The following CCDC91 variants were observed in gnomAD, a reference collection of about 807,000 sequenced individuals.
CCDC91 encodes the protein coiled-coil domain containing 91, also known as coiled-coil domain-containing protein 91.
A neutral mutation model predicts 63.2 loss-of-function variants in CCDC91; 48 were observed. The ratio of observed to expected loss-of-function variants is 0.76; its 90% CI spans 0.60 to 0.97. The LOEUF (loss-of-function observed/expected upper bound fraction) is 0.97, where lower values mean the gene tolerates loss of function less well. Among genes scored for constraint, CCDC91 ranks in the 50% least tolerant of loss-of-function variants. CCDC91 has a pLI of 0.00. For missense variants in CCDC91, 500 were observed against 494.6 expected (o/e 1.01, Z -0.10); for synonymous variants, 167 against 165.8 (o/e 1.01, Z -0.06).
chr12:28,435,028 T>A (rs1948831289), intron 8 of CCDC91, among the ~76,000 whole-genome samples: 1 of 151,740 alleles, frequency 6.6e-6, no homozygotes, highest in Non-Finnish European at 1.5e-5. Flanking sequence ...CTCTTTTCCT[T>A]GGTTAGCCTG....
intron 6 of CCDC91, among the ~76,000 whole-genome samples, chr12:28,331,020 AG>A (rs1941458048): frequency 6.6e-6 from 1 of 152,194 alleles, no homozygotes; most frequent in African/African-American, 2.4e-5. Flanking sequence ...CAGCAAAGAA[AG>A]GTTATGCTTC....
chr12:28,372,718 A>T (rs906528177), intron 7 of CCDC91, among the ~76,000 whole-genome samples: 6 of 152,106 alleles, frequency 3.9e-5, no homozygotes. Context: ...ATCAAATCTA[A>T]GAGTTTTTTG....
intron 1 of CCDC91, among the ~76,000 whole-genome samples, chr12:28,232,493 G>A (rs1366377773): frequency 3.3e-5 from 5 of 151,914 alleles, no homozygotes; most frequent in Non-Finnish European, 7.4e-5. Context: ...ATTCATCTTT[G>A]TATTCTATTG....
chr12:28,478,847 C>A (rs1396508819), intron 11 of CCDC91, among the ~76,000 whole-genome samples: 3 of 152,064 alleles, frequency 2.0e-5, no homozygotes, highest in South Asian at 2.1e-4. Flanking sequence ...ATGCAGCCAA[C>A]AGACGCATGA....
chr12:28,394,204 C>T (rs1448752309), intron 8 of CCDC91, among the ~76,000 whole-genome samples: 8 of 152,106 alleles, frequency 5.3e-5, no homozygotes, highest in Non-Finnish European at 8.8e-5. Context: ...CAGTGGCTCA[C>T]GCCTGTAATC....
intron 12 of CCDC91, among the ~76,000 whole-genome samples, chr12:28,520,701 T>G (rs1940533846): frequency 6.6e-6 from 1 of 152,234 alleles, no homozygotes; most frequent in Non-Finnish European, 1.5e-5. Flanking sequence ...TTTTATGGTT[T>G]TAGGTCTAAC....
At chr12:28,191,889 G>T (rs2121170523) in intron 1 of CCDC91, among the ~76,000 whole-genome samples, 1 of 152,310 alleles carries the variant, frequency 6.6e-6, no homozygotes, top group South Asian at 2.1e-4. Flanking sequence ...TGGTTACGAA[G>T]TTTGGTATCC....
intron 8 of CCDC91, chr12:28,412,916 C>G (rs567785869): frequency 5.3e-6 from 2 of 378,118 alleles, no homozygotes; most frequent in Non-Finnish European, 1.1e-5. Context: ...CCTCACCTCT[C>G]AATTCCACCA....
chr12:28,360,026 A>G (rs1348620216), intron 6 of CCDC91, among the ~76,000 whole-genome samples: 1 of 152,176 alleles, frequency 6.6e-6, no homozygotes, highest in African/African-American at 2.4e-5. Context: ...AGTTATTATT[A>G]CCTAGTTTTA....
chr12:28,370,804 CT>C (rs1944572089), intron 7 of CCDC91, among the ~76,000 whole-genome samples: 1 of 150,500 alleles, frequency 6.6e-6, no homozygotes, highest in African/African-American at 2.4e-5. Flanking sequence ...AAGCAAGCAC[CT>C]TCTTCGCAAG....
At chr12:28,505,031 A>T (rs1938528021) in intron 12 of CCDC91, among the ~76,000 whole-genome samples, 1 of 152,116 alleles carries the variant, frequency 6.6e-6, no homozygotes, top group African/African-American at 2.4e-5. Context: ...CCATTGTAGT[A>T]TCTGCGGAAT....
At chr12:28,528,481 G>A (rs1941466291) in intron 12 of CCDC91, among the ~76,000 whole-genome samples, 1 of 152,192 alleles carries the variant, frequency 6.6e-6, no homozygotes. Context: ...TATTTGGGGT[G>A]TCTCCCAGGT....
Position 28,549,754 on chromosome 12 carries a change from T to A in CCDC91, c.*581T>A, listed in dbSNP as rs1943212820. The A allele has an allele frequency of 6.6e-6, 1 of 152,134 alleles. No individual in the cohort carries two copies. Among genetic ancestry groups the A allele is most frequent in the African/African-American group, 2.4e-5 (1 of 41,458 alleles). 9.4% of individuals were successfully genotyped at this position (152,134 alleles called of 1,614,324 possible). ...ACAATACAATTAAAAGCACTAAAGA[T>A]TATTATATTAATTCAACTTTGATCT... On this transcript the variant is annotated 3_prime_UTR_variant, in exon 13 of 13. Transcript: ENST00000536442.
chr12:28,308,455 T>C (rs1475144404), intron 6 of CCDC91, among the ~76,000 whole-genome samples: 1 of 152,050 alleles, frequency 6.6e-6, no homozygotes, highest in Non-Finnish European at 1.5e-5. Flanking sequence ...AACTTAAAGC[T>C]AGTCATGTCA....
rs1367456645 is a variant in CCDC91 at position 28,376,684 on chromosome 12, T to C, written c.654+14169T>C. Among the ~76,000 whole-genome samples the C allele has an allele frequency of 2.6e-5, 4 of 151,812 alleles. No homozygotes were observed. The East Asian group carries it at 7.7e-4, about 29-fold the overall frequency. On this transcript the variant is annotated intron_variant, in intron 7 of 12. Coordinates refer to ENST00000536442, the MANE Select transcript of CCDC91 (RefSeq NM_018318.5). ...GCCTTGTATTTTTAAAGAGAAAGTA[T>C]CTTTTTGCATAGAGGTGTTTACTTC... is the stretch of plus-strand genomic sequence containing the variant.
chr12:28,460,054 A>T (rs1177658878), intron 11 of CCDC91, among the ~76,000 whole-genome samples: 4 of 152,112 alleles, frequency 2.6e-5, no homozygotes, highest in African/African-American at 2.4e-5. Flanking sequence ...AAGGATGCAT[A>T]CATAATTTGA....
chr12:28,536,060 T>C (rs1216965220), intron 12 of CCDC91, among the ~76,000 whole-genome samples: 1 of 150,386 alleles, frequency 6.6e-6, no homozygotes, highest in East Asian at 2.0e-4. Context: ...TTGTGGGAAA[T>C]GGAAAGTTTT....
At chr12:28,522,690 T>A (rs974022261) in intron 12 of CCDC91, among the ~76,000 whole-genome samples, 7 of 152,204 alleles carry the variant, frequency 4.6e-5, no homozygotes, top group Admixed American at 4.6e-4. Flanking sequence ...AGATCTTTCC[T>A]CCTTTCTCTT....
chr12:28,449,728 T>C (rs1208473274), intron 8 of CCDC91, among the ~76,000 whole-genome samples: 1 of 152,008 alleles, frequency 6.6e-6, no homozygotes, highest in African/African-American at 2.4e-5. Flanking sequence ...AATGCCTTAC[T>C]AGGAACACAA....
Sources: gnomAD v4.1 joint callset for allele counts (sites outside exome capture counted in the v4.1 genomes callset) on GRCh38, gnomAD v4.1.1 for gene constraint, MANE v1.5 for transcripts, NCBI Gene and HGNC (gene_info 2026-07-23, HGNC 2026-07-21) for gene names.